Variants in HEATR5A observed in about 807,000 individuals in gnomAD.
HEATR5A encodes HEAT repeat-containing protein 5A.
HEATR5A carries 178 observed loss-of-function variants against 218.8 expected under a neutral mutation model. The ratio of observed to expected loss-of-function variants is 0.81; its 90% CI spans 0.72 to 0.92. The LOEUF is 0.92. Ranked by LOEUF, HEATR5A falls within the 40% of genes least tolerant of loss-of-function variation. HEATR5A has a pLI of 0.00. For missense variants in HEATR5A, 2,420 were observed against 2,418.9 expected (o/e 1.00, Z -0.01); for synonymous variants, 864 against 871.6 (o/e 0.99, Z 0.15).
At chr14:31,324,759 C>T (rs1386488918) in intron 23 of HEATR5A, among the ~76,000 whole-genome samples, 1 of 150,074 alleles carries the variant, frequency 6.7e-6, no homozygotes, top group Non-Finnish European at 1.5e-5. Flanking sequence ...AACACCTGGG[C>T]TCAGGCGACA....
chr14:31,345,026 T>A (rs1004109857), intron 20 of HEATR5A, 61 bp downstream of exon 20: 12 of 1,393,982 alleles, frequency 8.6e-6, no homozygotes, highest in Admixed American at 4.4e-5. Context: ...GACTAGGAAC[T>A]GAATTCACTT....
At position 31,305,013 on chromosome 14, in the gene HEATR5A, G is replaced by A; in HGVS notation, c.5131C>T (p.Pro1711Ser). ...PELNPKLTGS[P>S]GVKATKPQIL... ...TGTGGCTTCGTAGCTTTTACTCCTG[G>A]GCTACCTGTCAATTTAGGGTTTAAT... is the stretch of plus-strand genomic sequence containing the variant. Residue 1711 changes from proline (P) to serine (S), a missense_variant, in exon 32 of 36, where the codon CCA (proline) becomes TCA (serine). Physicochemically the swap from Pro to Ser is moderately conservative, Grantham distance 74. Coordinates refer to ENST00000543095, the MANE Select transcript of HEATR5A (RefSeq NM_015473.4). The A allele has an allele frequency of 6.2e-7, 1 of 1,613,778 alleles. No individual in the cohort carries two copies. Among genetic ancestry groups the A allele is most frequent in the Non-Finnish European group, 8.5e-7 (1 of 1,179,864 alleles).
intron 5 of HEATR5A, among the ~76,000 whole-genome samples, chr14:31,394,879 A>G (rs2030596715): frequency 6.6e-6 from 1 of 152,202 alleles, no homozygotes; most frequent in Non-Finnish European, 1.5e-5. Flanking sequence ...TAAATTAAAA[A>G]TAAAACAAAA....
chr14:31,306,059 G>A (rs1228714177), intron 31 of HEATR5A, among the ~76,000 whole-genome samples: 1 of 152,208 alleles, frequency 6.6e-6, no homozygotes, highest in Non-Finnish European at 1.5e-5. Context: ...GCTAAAGCAA[G>A]TATTCTAGTA....
At chr14:31,397,536 G>C (rs1312125409) in intron 4 of HEATR5A, among the ~76,000 whole-genome samples, 5 of 151,866 alleles carry the variant, frequency 3.3e-5, no homozygotes, top group Non-Finnish European at 5.9e-5. Context: ...GCACGCGCCT[G>C]TAATCCCAGC....
chr14:31,326,836 G>A (rs1437944877), intron 22 of HEATR5A, among the ~76,000 whole-genome samples: 1 of 151,684 alleles, frequency 6.6e-6, no homozygotes, highest in African/African-American at 2.4e-5. Context: ...GTAGAGATGG[G>A]GTTTCACTAC....
chr14:31,335,621 G>A (rs1900624764), intron 22 of HEATR5A, among the ~76,000 whole-genome samples: 2 of 152,106 alleles, frequency 1.3e-5, no homozygotes, highest in African/African-American at 2.4e-5. Flanking sequence ...CTTTCTAAAA[G>A]TATGATGGTA....
At chr14:31,401,320 AAAGT>A (rs1206441543) in intron 2 of HEATR5A, among the ~76,000 whole-genome samples, 1 of 152,076 alleles carries the variant, frequency 6.6e-6, no homozygotes, top group Non-Finnish European at 1.5e-5. Context: ...TGATGGTTTA[AAAGT>A]GTGTGACACT....
At chr14:31,373,898 T>C (rs1902129427) in intron 12 of HEATR5A, among the ~76,000 whole-genome samples, 1 of 152,214 alleles carries the variant, frequency 6.6e-6, no homozygotes, top group Non-Finnish European at 1.5e-5. Context: ...TATGATGATC[T>C]ACTTCTGTGT....
intron 32 of HEATR5A, among the ~76,000 whole-genome samples, chr14:31,303,961 T>C (rs749448223): frequency 2.6e-5 from 4 of 151,916 alleles, no homozygotes; most frequent in Non-Finnish European, 4.4e-5. Flanking sequence ...GTCCCAGCAC[T>C]TCGGGATGTC....
intron 6 of HEATR5A, 49 bp downstream of exon 6, chr14:31,394,003 T>C (rs1243163629): frequency 1.6e-6 from 2 of 1,257,524 alleles, no homozygotes; most frequent in African/African-American, 1.5e-5. Context: ...TTATATCAAC[T>C]GGGGAAAAAA....
intron 28 of HEATR5A, among the ~76,000 whole-genome samples, chr14:31,311,680 T>C (rs1418941504): frequency 6.8e-6 from 1 of 146,956 alleles, no homozygotes; most frequent in African/African-American, 2.7e-5. Flanking sequence ...TATATATATA[T>C]ATATAAAAAA....
intron 4 of HEATR5A, among the ~76,000 whole-genome samples, chr14:31,396,041 C>A (rs2030640214): frequency 6.6e-6 from 1 of 152,072 alleles, no homozygotes; most frequent in Admixed American, 6.6e-5. Flanking sequence ...CAGTGCCTGG[C>A]ACACAGTTAA....
At chr14:31,356,379 G>C (rs1901427536) in intron 16 of HEATR5A, among the ~76,000 whole-genome samples, 1 of 152,170 alleles carries the variant, frequency 6.6e-6, no homozygotes, top group Non-Finnish European at 1.5e-5. Context: ...TGGGACTACA[G>C]TTGCACACCA....
Position 31,388,933 on chromosome 14 carries a change from C to A in HEATR5A, c.845G>T (p.Arg282Leu), listed in dbSNP as rs779078018. 31 of 1,613,466 alleles carry A rather than the reference C, an allele frequency of 1.9e-5. No homozygotes were observed. The highest frequency in any genetic ancestry group is 2.2e-5 in the Non-Finnish European group (26 of 1,179,574). Residue 282 changes from arginine to leucine, a missense_variant, in exon 7 of 36, where the codon CGT becomes CTT. By Grantham distance (102) the Arg-to-Leu change is moderately radical. Coordinates refer to ENST00000543095, the MANE Select transcript of HEATR5A (RefSeq NM_015473.4). ...GGCTCGAAGGAATCCTGAACTCCCACGTAGAAACCCTGTTCCTAGTAATTC... is the reference window on the plus strand; with the variant it reads ...GGCTCGAAGGAATCCTGAACTCCCAAGTAGAAACCCTGTTCCTAGTAATTC... ...VLELLGTGFL[R>L]GSSGFLRASG...
chr14:31,304,190 CAGAG>C (rs1411667270), intron 32 of HEATR5A, among the ~76,000 whole-genome samples: 2 of 152,122 alleles, frequency 1.3e-5, no homozygotes, highest in African/African-American at 2.4e-5. Flanking sequence ...GCCTAGGTGA[CAGAG>C]AAAGTACCTG....
intron 23 of HEATR5A, chr14:31,325,855 C>G (rs764911714): frequency 5.9e-6 from 2 of 337,816 alleles, no homozygotes; most frequent in Non-Finnish European, 1.1e-5. Context: ...ATGATGGGAA[C>G]AATATACATC....
chr14:31,409,571 A>G (rs1348841937), intron 1 of HEATR5A, among the ~76,000 whole-genome samples: 1 of 152,072 alleles, frequency 6.6e-6, no homozygotes, highest in Non-Finnish European at 1.5e-5. Flanking sequence ...GTGGTGGTGC[A>G]CACCTGTAGT....
At chr14:31,392,086 CCCTTGATATGA>C (rs2030476083) in intron 6 of HEATR5A, among the ~76,000 whole-genome samples, 1 of 152,130 alleles carries the variant, frequency 6.6e-6, no homozygotes, top group Non-Finnish European at 1.5e-5. Flanking sequence ...TATAGAATGG[CCCTTGATATGA>C]GTTTGTCTGG....
Sources: allele counts gnomAD v4.1 joint callset (sites outside exome capture counted in the v4.1 genomes callset), GRCh38; gene constraint gnomAD v4.1.1; transcripts MANE v1.5; gene names NCBI Gene and HGNC (gene_info 2026-07-23, HGNC 2026-07-21).